The following CSMD3 variants were observed in gnomAD, a reference collection of about 807,000 sequenced individuals.
The protein encoded by CSMD3 is CUB and sushi domain-containing protein 3.
A neutral mutation model predicts 435.2 loss-of-function variants in CSMD3; 177 were observed. That is an observed-to-expected ratio of 0.41 (90% CI 0.36 to 0.46). The LOEUF (loss-of-function observed/expected upper bound fraction) is 0.46. CSMD3 is among the 20% of genes least tolerant of loss of function. CSMD3 has a pLI of 0.34. For synonymous variants in CSMD3, 1,656 were observed against 1,520.5 expected, an observed-to-expected ratio of 1.09 and a Z score of -2.07; for missense variants, 4,265 against 4,504.6, an observed-to-expected ratio of 0.95 and a Z score of 1.52.
intron 13 of CSMD3, among the ~76,000 whole-genome samples, chr8:112,786,414 G>C (rs1431876301): frequency 6.6e-6 from 1 of 152,090 alleles, no homozygotes; most frequent in African/African-American, 2.4e-5. Context: ...AGCAAAAAGG[G>C]ACAAATGAAA....
At chr8:112,654,602 T>A (rs1401892547) in intron 18 of CSMD3, among the ~76,000 whole-genome samples, 1 of 152,198 alleles carries the variant, frequency 6.6e-6, no homozygotes, top group South Asian at 2.1e-4. Context: ...ACTGAAGGTA[T>A]GCATTTGAGC....
At chr8:113,208,277 G>A (rs1466629758) in intron 3 of CSMD3, among the ~76,000 whole-genome samples, 2 of 151,984 alleles carry the variant, frequency 1.3e-5, no homozygotes, top group East Asian at 1.9e-4. Context: ...GTCAGAAACC[G>A]GGACCAGAGA....
chr8:112,871,003 C>T (rs1564048791), intron 10 of CSMD3, among the ~76,000 whole-genome samples: 1 of 152,118 alleles, frequency 6.6e-6, no homozygotes, highest in East Asian at 1.9e-4. Context: ...TCTCCTGCAG[C>T]TCATGTAGAA....
intron 41 of CSMD3, among the ~76,000 whole-genome samples, chr8:112,344,682 A>G (rs1245260851): frequency 6.6e-6 from 1 of 152,126 alleles, no homozygotes; most frequent in African/African-American, 2.4e-5. Context: ...CTTTTAGTGC[A>G]TTTATAAACT....
rs2130831634 is a variant in CSMD3 at position 112,314,000 on chromosome 8, A to T, written c.7602T>A (p.Ser2534=). The T allele has an allele frequency of 6.2e-7, 1 of 1,610,744 alleles. No homozygotes were observed. Among genetic ancestry groups the T allele is most frequent in the Non-Finnish European group, 8.5e-7 (1 of 1,177,234 alleles). The stretch of plus-strand genomic sequence containing the variant: ...GACCATTGCTTGTTATATTAAAAGC[A>T]GATGAATAATCCCCACTGAGGGAAA... ...VLISLSGDYS[S]AFNITSNGHE... is the part of the protein sequence containing the mutation. Residue 2534 remains serine, a synonymous_variant, in exon 49 of 71, where the codon TCT becomes TCA. Coordinates refer to ENST00000297405, the MANE Select transcript of CSMD3 (RefSeq NM_198123.2).
intron 3 of CSMD3, among the ~76,000 whole-genome samples, chr8:113,175,317 T>C (rs746230029): frequency 6.6e-6 from 1 of 151,874 alleles, no homozygotes; most frequent in South Asian, 2.1e-4. Flanking sequence ...GACATCCATA[T>C]ATTTTAGAGA....
intron 31 of CSMD3, among the ~76,000 whole-genome samples, chr8:112,479,307 G>A (rs561608640): frequency 3.9e-5 from 6 of 152,260 alleles, no homozygotes; most frequent in African/African-American, 7.2e-5. Context: ...GAGTGTAAAC[G>A]TTTGAAAAAT....
intron 12 of CSMD3, among the ~76,000 whole-genome samples, chr8:112,811,222 T>C (rs1383653743): frequency 6.6e-6 from 1 of 151,842 alleles, no homozygotes; most frequent in Non-Finnish European, 1.5e-5. Flanking sequence ...TATAAAATAG[T>C]AACAAAAAAG....
intron 32 of CSMD3, among the ~76,000 whole-genome samples, chr8:112,429,896 A>C (rs191336139): frequency 2.0e-5 from 3 of 152,140 alleles, no homozygotes; most frequent in Non-Finnish European, 2.9e-5. Flanking sequence ...TTCAGTAAAC[A>C]ACATTCACAG....
chr8:112,673,412 C>T lies in CSMD3; in HGVS notation c.2678-6997G>A, dbSNP rs537726023. 2.6e-5 allele frequency among the ~76,000 whole-genome samples: 4 copies of T among 152,116 alleles called. No individual in the cohort carries two copies. The South Asian group carries it at 8.3e-4, about 32-fold the overall frequency. On this transcript the variant is annotated intron_variant, in intron 16 of 70. Transcript: ENST00000297405. Reference sequence around the variant, plus strand: ...CTCCACAAAGATTAGAAGCAAAGCCCTGCAGATGGCTATTAAATTACATTA... The same window carrying T: ...CTCCACAAAGATTAGAAGCAAAGCCTTGCAGATGGCTATTAAATTACATTA...
chr8:113,253,842 A>G (rs2093356442), intron 3 of CSMD3, among the ~76,000 whole-genome samples: 1 of 151,374 alleles, frequency 6.6e-6, no homozygotes, highest in African/African-American at 2.4e-5. Context: ...CGTCTGAAAA[A>G]AAAAAAAAAA....
chr8:113,287,992 A>C (rs935157497), intron 2 of CSMD3, among the ~76,000 whole-genome samples: 1 of 151,878 alleles, frequency 6.6e-6, no homozygotes, highest in African/African-American at 2.4e-5. Flanking sequence ...CAGCCTATTA[A>C]TGAAATTTTC....
intron 32 of CSMD3, among the ~76,000 whole-genome samples, chr8:112,456,225 T>G (rs555397663): frequency 6.6e-5 from 10 of 152,242 alleles, no homozygotes; most frequent in African/African-American, 2.2e-4. Flanking sequence ...GTAAGAACTA[T>G]GAATGTGGAC....
intron 22 of CSMD3, among the ~76,000 whole-genome samples, chr8:112,590,847 C>G (rs943887815): frequency 1.3e-5 from 2 of 152,154 alleles, no homozygotes; most frequent in Non-Finnish European, 2.9e-5. Flanking sequence ...TCTTGTTTCT[C>G]TCATGTCTTG....
chr8:112,552,862 C>A, intron 25 of CSMD3, 142 bp from the exon 26 acceptor site: 1 of 686,416 alleles, frequency 1.5e-6, no homozygotes, highest in South Asian at 1.8e-5. Flanking sequence ...TTTAAAGTAT[C>A]AATTGAAGCA....
intron 5 of CSMD3, among the ~76,000 whole-genome samples, chr8:113,072,313 G>A (rs1410431332): frequency 1.3e-5 from 2 of 151,388 alleles, no homozygotes; most frequent in African/African-American, 4.8e-5. Flanking sequence ...GCTCTGTCAA[G>A]GACTTCCAGT....
intron 24 of CSMD3, among the ~76,000 whole-genome samples, chr8:112,563,264 G>T (rs1156570428): frequency 1.3e-5 from 2 of 151,774 alleles, no homozygotes; most frequent in African/African-American, 4.8e-5. Flanking sequence ...AAACTTTAAA[G>T]CTACAACTTT....
At chr8:112,551,364 C>G (rs1224571224) in intron 26 of CSMD3, among the ~76,000 whole-genome samples, 1 of 152,174 alleles carries the variant, frequency 6.6e-6, no homozygotes, top group African/African-American at 2.4e-5. Flanking sequence ...TCTGACTCTA[C>G]AGTACATGCT....
chr8:112,583,467 T>G (rs1467068095), intron 23 of CSMD3, among the ~76,000 whole-genome samples: 4 of 151,988 alleles, frequency 2.6e-5, no homozygotes, highest in Non-Finnish European at 5.9e-5. Flanking sequence ...ATGTGAACAT[T>G]AAAGGATTTT....
Sources: allele counts gnomAD v4.1 joint callset (sites outside exome capture counted in the v4.1 genomes callset), GRCh38; gene constraint gnomAD v4.1.1; transcripts MANE v1.5; gene names NCBI Gene and HGNC (gene_info 2026-07-23, HGNC 2026-07-21).